Variants in TMEM164 observed in about 807,000 individuals in gnomAD.
TMEM164 encodes the protein RP13-360B22.2.
TMEM164 carries 4 observed loss-of-function variants against 18.8 expected under a neutral mutation model. The observed-to-expected ratio is 0.21, with a 90% CI of 0.10 to 0.49. The LOEUF (loss-of-function observed/expected upper bound fraction) is 0.49. TMEM164 is among the 20% of genes least tolerant of loss of function. The pLI, the probability that TMEM164 is intolerant of heterozygous loss-of-function variation, is 0.98. For synonymous variants in TMEM164, 86 were observed against 101.7 expected (o/e 0.85, Z 0.93); for missense variants, 108 against 239.9 (o/e 0.45, Z 3.63).
intron 2 of TMEM164, among the ~76,000 whole-genome samples, chrX:110,030,108 G>GGT (rs1934394060): frequency 3.7e-5 from 1 of 26,970 alleles, no homozygotes; most frequent in African/African-American, 1.4e-4. Context: ...TTCTCTGTCT[G>GGT]TTTTTTTTTT....
At chrX:110,065,472 G>A (rs1168632010) in intron 2 of TMEM164, 1 of 110,935 alleles carries the variant, frequency 9.0e-6, no homozygotes, top group East Asian at 2.8e-4. Context: ...GCCTTTGATG[G>A]GCCTGATGCT....
At chrX:110,116,861 CGTGTGTGTGTGTGTG>C (rs1743606425) in intron 4 of TMEM164, among the ~76,000 whole-genome samples, 1 of 88,818 alleles carries the variant, frequency 1.1e-5, no homozygotes, top group East Asian at 3.5e-4. Flanking sequence ...TGCGCGTGTG[CGTGTGTGTGTGTGTG>C]GTGTGTGTGT....
In TMEM164 at chrX:110,173,740, T is replaced by G; in HGVS notation, c.*289T>G. 3.2e-6 allele frequency: 1 copy of G among 314,709 alleles called. No homozygotes were observed. The highest frequency in any genetic ancestry group is 5.5e-6 in the Non-Finnish European group (1 of 181,891). The allele number at this position is 314,709 out of a possible 1,213,427, so 25.9% of individuals were successfully genotyped here. A position where few individuals can be genotyped will look rare whatever the true frequency, so the allele number is the denominator to read the frequency against. On this transcript the variant is annotated 3_prime_UTR_variant, in exon 7 of 7. Coordinates refer to ENST00000372068, the MANE Select transcript of TMEM164 (RefSeq NM_032227.4). ...TGGGGAGATTGCAGTGAGCGGCTCTTTCACTCTGCTTGTCGGTGCTTTAAC... is the reference window on the plus strand; with the variant it reads ...TGGGGAGATTGCAGTGAGCGGCTCTGTCACTCTGCTTGTCGGTGCTTTAAC...
At chrX:110,126,920 G>T (rs1490019566) in intron 4 of TMEM164, among the ~76,000 whole-genome samples, 1 of 106,825 alleles carries the variant, frequency 9.4e-6, no homozygotes, top group Non-Finnish European at 1.9e-5. Context: ...ATATATGACT[G>T]ATTGAAGAGA....
chrX:110,032,165 G>A (rs139218230), intron 2 of TMEM164, among the ~76,000 whole-genome samples: 2,356 of 111,704 alleles, frequency 0.021, 35 homozygotes, highest in Middle Eastern at 0.056. Flanking sequence ...GTAAATATAA[G>A]GCAGAAAATA....
chrX:110,172,765 C>T (rs138830760), intron 6 of TMEM164, among the ~76,000 whole-genome samples: 1 of 112,075 alleles, frequency 8.9e-6, no homozygotes, highest in Non-Finnish European at 1.9e-5. Context: ...TCTCTGAGGA[C>T]TCAGCCCCCA....
intron 4 of TMEM164, among the ~76,000 whole-genome samples, chrX:110,126,282 C>G (rs1287890319): frequency 8.9e-6 from 1 of 111,913 alleles, no homozygotes; most frequent in Non-Finnish European, 1.9e-5. Flanking sequence ...CACCCCTCTC[C>G]TCCTGATCCA....
At chrX:110,134,381 A>G (rs1038131527) in intron 4 of TMEM164, among the ~76,000 whole-genome samples, 1 of 109,885 alleles carries the variant, frequency 9.1e-6, no homozygotes, top group Non-Finnish European at 1.9e-5. Context: ...AAAACTCTGT[A>G]TCTACTAAAA....
intron 3 of TMEM164, among the ~76,000 whole-genome samples, chrX:110,084,367 G>GTATATATAGTA (rs2065806680): frequency 5.6e-5 from 1 of 17,797 alleles, no homozygotes; most frequent in Non-Finnish European, 1.6e-4. Flanking sequence ...ATATAGTATA[G>GTATATATAGTA]TATATATATA....
chrX:110,130,574 T>C (rs1445533080), intron 4 of TMEM164, among the ~76,000 whole-genome samples: 1 of 111,678 alleles, frequency 9.0e-6, no homozygotes, highest in African/African-American at 3.3e-5. Context: ...GGGAGTTATT[T>C]GTCATTTCTA....
intron 2 of TMEM164, among the ~76,000 whole-genome samples, chrX:110,030,983 G>A (rs1934476608): frequency 9.0e-6 from 1 of 110,801 alleles, no homozygotes; most frequent in African/African-American, 3.3e-5. Context: ...GTATACATGT[G>A]CCATGGTGGT....
chrX:110,024,188 T>C (rs1273376325), intron 2 of TMEM164, among the ~76,000 whole-genome samples: 1 of 112,754 alleles, frequency 8.9e-6, no homozygotes, highest in Non-Finnish European at 1.9e-5. Flanking sequence ...ACACTGTTTC[T>C]GTTTTCCCTT....
chrX:110,157,430 C>T (rs1410531101), intron 5 of TMEM164, among the ~76,000 whole-genome samples: 1 of 111,539 alleles, frequency 9.0e-6, no homozygotes, highest in African/African-American at 3.3e-5. Context: ...GAGGGTGTTT[C>T]TCCTCCTCCT....
chrX:110,025,862 T>A (rs1364657435), intron 2 of TMEM164, among the ~76,000 whole-genome samples: 1 of 112,410 alleles, frequency 8.9e-6, no homozygotes, highest in Non-Finnish European at 1.9e-5. Context: ...TCTCTTCTTC[T>A]GGCTTGGCAT....
intron 3 of TMEM164, among the ~76,000 whole-genome samples, chrX:110,099,809 C>G (rs2066081826): frequency 8.9e-6 from 1 of 112,168 alleles, no homozygotes; most frequent in Admixed American, 9.5e-5. Flanking sequence ...TGACATCTTT[C>G]CTATGTTGAG....
chrX:110,097,401 A>G (rs1316121863), intron 3 of TMEM164, among the ~76,000 whole-genome samples: 1 of 112,999 alleles, frequency 8.8e-6, no homozygotes, highest in Non-Finnish European at 1.9e-5. Context: ...ATAAAAGTGA[A>G]TAATATTCAG....
chrX:110,017,405 C>CCTTCCTTTCTTTCTTTCTTT (rs1555984533), intron 2 of TMEM164, among the ~76,000 whole-genome samples: 7 of 15,273 alleles, frequency 4.6e-4, no homozygotes, highest in Admixed American at 1.1e-3. Flanking sequence ...CCACCTCCTT[C>CCTTCCTTTCTTTCTTTCTTT]CTTTCTTTCT....
At chrX:110,160,967 C>G (rs1411153979) in intron 5 of TMEM164, among the ~76,000 whole-genome samples, 1 of 112,083 alleles carries the variant, frequency 8.9e-6, no homozygotes, top group Non-Finnish European at 1.9e-5. Context: ...CCTTGAATCC[C>G]GAAGTGCTGG....
At chrX:110,178,582 G>T (rs922407934), downstream of TMEM164, among the ~76,000 whole-genome samples, 1 of 112,396 alleles carries the variant, frequency 8.9e-6, no homozygotes, top group Non-Finnish European at 1.9e-5. Context: ...AGTGCAGGTG[G>T]ATCTCCTCAT....
Sources: gnomAD v4.1 joint callset for allele counts (sites outside exome capture counted in the v4.1 genomes callset) on GRCh38, gnomAD v4.1.1 for gene constraint, MANE v1.5 for transcripts, NCBI Gene and HGNC (gene_info 2026-07-23, HGNC 2026-07-21) for gene names.